Variants in OXR1 observed in about 807,000 individuals in gnomAD.
OXR1 encodes oxidation resistance protein 1.
OXR1 carries 41 observed loss-of-function variants against 104.6 expected under a neutral mutation model. The observed-to-expected ratio is 0.39, with a 90% CI of 0.31 to 0.51. OXR1 has a LOEUF of 0.51. Ranked by LOEUF, OXR1 falls within the 20% of genes least tolerant of loss-of-function variation. OXR1 has a pLI of 0.77. For synonymous variants in OXR1, 348 were observed against 348.4 expected (o/e 1.00, Z 0.01); for missense variants, 955 against 1,031.9 (o/e 0.93, Z 1.02).
At chr8:106,560,503 C>T (rs550165047) in intron 3 of OXR1, among the ~76,000 whole-genome samples, 87 of 152,264 alleles carry the variant, frequency 5.7e-4, no homozygotes, top group African/African-American at 2.0e-3. Context: ...TGAACCTTGA[C>T]AGATAACTGG....
intron 3 of OXR1, among the ~76,000 whole-genome samples, chr8:106,676,013 G>A (rs767436293): frequency 6.6e-6 from 1 of 151,970 alleles, no homozygotes; most frequent in Admixed American, 6.6e-5. Context: ...TAGATCTTAC[G>A]AATTGAACCC....
intron 2 of OXR1, among the ~76,000 whole-genome samples, chr8:106,376,536 G>T (rs1816913683): frequency 6.6e-6 from 1 of 150,726 alleles, no homozygotes; most frequent in Non-Finnish European, 1.5e-5. Context: ...ACTTCAAAAT[G>T]AGAAAAATAA....
intron 2 of OXR1, among the ~76,000 whole-genome samples, chr8:106,388,159 C>T (rs1442568955): frequency 1.3e-5 from 2 of 152,258 alleles, no homozygotes; most frequent in Non-Finnish European, 2.9e-5. Flanking sequence ...ACAGTGAGTG[C>T]ATCAAGAAGT....
At chr8:106,486,299 T>G (rs778696863) in intron 2 of OXR1, among the ~76,000 whole-genome samples, 3 of 152,134 alleles carry the variant, frequency 2.0e-5, no homozygotes, top group Non-Finnish European at 4.4e-5. Flanking sequence ...TTACAACCTC[T>G]AATTGCTTCC....
At chr8:106,689,627 G>A (rs963439353) in intron 6 of OXR1, among the ~76,000 whole-genome samples, 2 of 151,856 alleles carry the variant, frequency 1.3e-5, no homozygotes, top group Non-Finnish European at 2.9e-5. Context: ...TCTAATTCTA[G>A]TCAAGTAAGA....
rs1408213383 is a variant in OXR1, at chr8:106,719,422, C to T, written c.1956+5437C>T. 2.6e-5 allele frequency among the ~76,000 whole-genome samples: 4 copies of T among 152,314 alleles called. No homozygotes were observed. The South Asian group carries it at 6.2e-4, about 24-fold the overall frequency. On this transcript the variant is annotated intron_variant, in intron 11 of 16. Transcript: ENST00000517566. ...ATCAGCTTATTTCTTCTGTGTCCCT[C>T]CTTTTCTCCAATTGTTCATAGTTAT...
intron 2 of OXR1, among the ~76,000 whole-genome samples, chr8:106,416,434 G>T (rs995548903): frequency 2.6e-5 from 4 of 151,730 alleles, no homozygotes; most frequent in Admixed American, 2.6e-4. Flanking sequence ...AAAAATAAAA[G>T]GTTGTCTGGT....
At chr8:106,493,811 G>C (rs374303331) in intron 2 of OXR1, among the ~76,000 whole-genome samples, 1 of 152,124 alleles carries the variant, frequency 6.6e-6, no homozygotes, top group South Asian at 2.1e-4. Context: ...TGGGAATGAA[G>C]GCTAATTTAG....
chr8:106,364,387 C>A (rs1245700562), intron 2 of OXR1, among the ~76,000 whole-genome samples: 4 of 152,112 alleles, frequency 2.6e-5, no homozygotes, highest in Non-Finnish European at 5.9e-5. Flanking sequence ...CAAGACCAGC[C>A]TGGCCAACAT....
intron 3 of OXR1, among the ~76,000 whole-genome samples, chr8:106,656,915 A>G (rs987958863): frequency 2.6e-5 from 4 of 151,776 alleles, no homozygotes; most frequent in African/African-American, 4.8e-5. Flanking sequence ...TCAGGGCTCT[A>G]TTGTTGGAGT....
intron 3 of OXR1, chr8:106,618,174 C>T: frequency 2.0e-6 from 3 of 1,535,894 alleles, no homozygotes; most frequent in Non-Finnish European, 2.6e-6. Context: ...AATGTTCTGC[C>T]AGCGCAAAGG....
At chr8:106,398,120 A>G (rs1004051624) in intron 2 of OXR1, among the ~76,000 whole-genome samples, 2 of 152,102 alleles carry the variant, frequency 1.3e-5, no homozygotes, top group Non-Finnish European at 2.9e-5. Context: ...GGCTTACCTA[A>G]TGAACTAATT....
At chr8:106,708,721 C>G (rs1831397676) in intron 9 of OXR1, among the ~76,000 whole-genome samples, 1 of 152,100 alleles carries the variant, frequency 6.6e-6, no homozygotes, top group African/African-American at 2.4e-5. Flanking sequence ...GTGAATAATG[C>G]TGCTTTGAAC....
At chr8:106,745,104 A>C (rs537015890) in intron 15 of OXR1, among the ~76,000 whole-genome samples, 1 of 152,336 alleles carries the variant, frequency 6.6e-6, no homozygotes, top group East Asian at 1.9e-4. Context: ...GTGCTAAAAG[A>C]AAGTTTTATT....
At chr8:106,442,817 G>C (rs1217319313) in intron 2 of OXR1, among the ~76,000 whole-genome samples, 5 of 151,842 alleles carry the variant, frequency 3.3e-5, no homozygotes, top group Non-Finnish European at 5.9e-5. Flanking sequence ...TTCCCTCTTA[G>C]TCTAGCTATC....
chr8:106,710,427 T>G (rs1000151906), intron 9 of OXR1, among the ~76,000 whole-genome samples, 195 bp from the exon 10 acceptor site: 1 of 152,108 alleles, frequency 6.6e-6, no homozygotes, highest in African/African-American at 2.4e-5. Context: ...GCTCTTTTGT[T>G]AAGTTTAGTC....
At position 106,507,579 on chromosome 8, in the gene OXR1, T is replaced by C. The variant is rs181686027; in HGVS notation, c.24-11364T>C. On this transcript the variant is annotated intron_variant, in intron 2 of 16. Coordinates refer to ENST00000517566, the MANE Select transcript of OXR1 (RefSeq NM_001198533.2). The stretch of plus-strand genomic sequence containing the variant: ...GTACAAAGCAGTATTTTGGAGAGGG[T>C]TGTGCAGGGAATCGGAGATGAAGCT... Among the ~76,000 whole-genome samples, 204 of 152,218 alleles carry C rather than the reference T, an allele frequency of 1.3e-3. 1 individual carries two copies. The highest frequency in any genetic ancestry group is 4.6e-3 in the African/African-American group (193 of 41,530).
chr8:106,438,532 G>T (rs1313411755), intron 2 of OXR1, among the ~76,000 whole-genome samples: 1 of 151,950 alleles, frequency 6.6e-6, no homozygotes, highest in Non-Finnish European at 1.5e-5. Flanking sequence ...TTACATATAT[G>T]GCTTATATGA....
chr8:106,590,186 A>G (rs1263416299), intron 3 of OXR1, among the ~76,000 whole-genome samples: 3 of 152,234 alleles, frequency 2.0e-5, no homozygotes, highest in Non-Finnish European at 4.4e-5. Context: ...TAGATGATTC[A>G]TATCTTCAAG....
Sources: allele counts gnomAD v4.1 joint callset (sites outside exome capture counted in the v4.1 genomes callset), GRCh38; gene constraint gnomAD v4.1.1; transcripts MANE v1.5; gene names NCBI Gene and HGNC (gene_info 2026-07-23, HGNC 2026-07-21).